Variants in PRKCA observed in about 807,000 individuals in gnomAD.
PRKCA encodes the protein protein kinase C alpha type.
PRKCA carries 27 observed loss-of-function variants against 87.0 expected under a neutral mutation model. The ratio of observed to expected loss-of-function variants is 0.31; its 90% confidence interval spans 0.23 to 0.43. The LOEUF (loss-of-function observed/expected upper bound fraction) is 0.43. PRKCA is among the 20% of genes least tolerant of loss of function. PRKCA has a pLI of 1.00. For synonymous variants in PRKCA, 329 were observed against 311.1 expected (o/e 1.06, Z -0.61); for missense variants, 518 against 852.3 (o/e 0.61, Z 4.88).
chr17:66,413,800 G>C (rs1226275407), intron 2 of PRKCA, among the ~76,000 whole-genome samples: 1 of 152,144 alleles, frequency 6.6e-6, no homozygotes, highest in Non-Finnish European at 1.5e-5. Flanking sequence ...GATCACTAGA[G>C]GTCAGGAGTT....
Position 66,805,820 on chromosome 17 carries a change from C to G in PRKCA, c.*1783C>G, listed in dbSNP as rs1976020739. ...TGCGTGTGTGTGTGTTTCCTTCTTC[C>G]CTTCAGCCTGTGACTGTTGCTGACT... On this transcript the variant is annotated 3_prime_UTR_variant, in exon 17 of 17. Transcript: ENST00000413366. 6.6e-6 allele frequency: 1 copy of G among 152,284 alleles called. No individual in the cohort carries two copies. The highest frequency in any genetic ancestry group is 2.1e-4 in the South Asian group (1 of 4,832). 9.4% of individuals were successfully genotyped at this position (152,284 alleles called of 1,614,324 possible).
At chr17:66,561,251 C>T (rs961702987) in intron 3 of PRKCA, among the ~76,000 whole-genome samples, 3 of 152,134 alleles carry the variant, frequency 2.0e-5, no homozygotes, top group Admixed American at 6.5e-5. Context: ...CTTGTGTTTA[C>T]GGATGGAACT....
At chr17:66,325,647 G>T (rs1905935904) in intron 2 of PRKCA, among the ~76,000 whole-genome samples, 1 of 152,106 alleles carries the variant, frequency 6.6e-6, no homozygotes, top group Admixed American at 6.5e-5. Context: ...AAGTCAGGAG[G>T]CTAATGTTCC....
At chr17:66,305,288 C>T (rs1250914807) in intron 1 of PRKCA, among the ~76,000 whole-genome samples, 1 of 152,124 alleles carries the variant, frequency 6.6e-6, no homozygotes, top group Admixed American at 6.5e-5. Context: ...GGGGGGATGA[C>T]TCTAAGTTAA....
chr17:66,372,378 A>G (rs1321642539), intron 2 of PRKCA, among the ~76,000 whole-genome samples: 1 of 152,206 alleles, frequency 6.6e-6, no homozygotes, highest in Non-Finnish European at 1.5e-5. Context: ...TATTGAGAGA[A>G]CATTTCAGTT....
chr17:66,542,666 G>A (rs1238500070), intron 3 of PRKCA, among the ~76,000 whole-genome samples: 1 of 152,174 alleles, frequency 6.6e-6, no homozygotes, highest in African/African-American at 2.4e-5. Flanking sequence ...GCAAAGGCCT[G>A]TGGAAGGATA....
chr17:66,337,727 T>G (rs1460032185), intron 2 of PRKCA, among the ~76,000 whole-genome samples: 2 of 152,160 alleles, frequency 1.3e-5, no homozygotes, highest in African/African-American at 4.8e-5. Context: ...TAGGAAAACC[T>G]AACTTTTAAA....
intron 5 of PRKCA, among the ~76,000 whole-genome samples, 159 bp from the exon 6 acceptor site, chr17:66,686,952 C>T (rs1211808821): frequency 6.6e-6 from 1 of 152,144 alleles, no homozygotes; most frequent in East Asian, 1.9e-4. Flanking sequence ...CAGCGGGTAG[C>T]TTTTCTCATG....
At chr17:66,374,700 C>T (rs1360938091) in intron 2 of PRKCA, among the ~76,000 whole-genome samples, 1 of 148,648 alleles carries the variant, frequency 6.7e-6, no homozygotes, top group Non-Finnish European at 1.5e-5. Flanking sequence ...CTGCTAAGTG[C>T]AGGGTGCTGA....
At chr17:66,466,847 G>A (rs1915108492) in intron 2 of PRKCA, among the ~76,000 whole-genome samples, 2 of 151,306 alleles carry the variant, frequency 1.3e-5, no homozygotes, top group African/African-American at 4.9e-5. Flanking sequence ...CCACGTGGAT[G>A]TTTGACTTGT....
intron 2 of PRKCA, among the ~76,000 whole-genome samples, chr17:66,402,657 G>A (rs1022798756): frequency 1.3e-5 from 2 of 152,018 alleles, no homozygotes; most frequent in Non-Finnish European, 2.9e-5. Context: ...AGTGGCTCTG[G>A]GTGACACCAG....
intron 3 of PRKCA, among the ~76,000 whole-genome samples, chr17:66,569,063 A>G (rs1968985750): frequency 6.6e-6 from 1 of 152,258 alleles, no homozygotes; most frequent in Non-Finnish European, 1.5e-5. Flanking sequence ...ACCTAATTGT[A>G]AAACAATAAA....
chr17:66,373,966 G>A (rs1001950957), intron 2 of PRKCA, among the ~76,000 whole-genome samples: 1 of 152,158 alleles, frequency 6.6e-6, no homozygotes, highest in Non-Finnish European at 1.5e-5. Context: ...TTCCAGAAGT[G>A]GGATGTGGGG....
chr17:66,408,004 A>G (rs9890690), intron 2 of PRKCA, among the ~76,000 whole-genome samples: 4,456 of 152,278 alleles, frequency 0.029, 130 homozygotes, highest in African/African-American at 0.07. Flanking sequence ...GCATTTATGT[A>G]ATTTGTTGTT....
At chr17:66,555,311 G>A (rs368679057) in intron 3 of PRKCA, among the ~76,000 whole-genome samples, 17 of 152,262 alleles carry the variant, frequency 1.1e-4, no homozygotes, top group African/African-American at 2.6e-4. Flanking sequence ...GGAGTGCCAC[G>A]CAACCAGACT....
intron 2 of PRKCA, among the ~76,000 whole-genome samples, chr17:66,430,516 G>A (rs1913046634): frequency 6.6e-6 from 1 of 151,932 alleles, no homozygotes. Context: ...ATTCTTAAGG[G>A]GTGGTCTCTC....
chr17:66,794,609 T>C (rs967692897), intron 16 of PRKCA, among the ~76,000 whole-genome samples: 4 of 149,718 alleles, frequency 2.7e-5, no homozygotes, highest in African/African-American at 9.8e-5. Context: ...TTTTGTTTTT[T>C]GGGGGGGGTT....
chr17:66,332,553 T>C (rs1906398018), intron 2 of PRKCA, among the ~76,000 whole-genome samples: 1 of 152,120 alleles, frequency 6.6e-6, no homozygotes, highest in African/African-American at 2.4e-5. Context: ...GCCTCTGCTA[T>C]GGAGTATAGT....
At chr17:66,760,088 A>G (rs1212199284) in intron 13 of PRKCA, among the ~76,000 whole-genome samples, 1 of 152,254 alleles carries the variant, frequency 6.6e-6, no homozygotes, top group Non-Finnish European at 1.5e-5. Context: ...ACTTCATCCA[A>G]CAACAGCAGA....
Sources: allele counts gnomAD v4.1 joint callset (sites outside exome capture counted in the v4.1 genomes callset), GRCh38; gene constraint gnomAD v4.1.1; transcripts MANE v1.5; gene names NCBI Gene and HGNC (gene_info 2026-07-23, HGNC 2026-07-21).